Variants in ZMYM4 observed in about 807,000 individuals in gnomAD.
The protein encoded by ZMYM4 is zinc finger MYM-type containing 4.
A neutral mutation model predicts 183.2 loss-of-function variants in ZMYM4; 31 were observed. The ratio of observed to expected loss-of-function variants is 0.17; its 90% CI spans 0.13 to 0.23. ZMYM4 has a LOEUF of 0.23. Among genes scored for constraint, ZMYM4 ranks in the 10% least tolerant of loss-of-function variants. ZMYM4 has a pLI of 1.00. For missense variants in ZMYM4, 1,273 were observed against 1,840.3 expected (o/e 0.69, Z 5.64); for synonymous variants, 592 against 631.2 (o/e 0.94, Z 0.93).
chr1:35,318,449 GTTTTTTGT>G (rs1445657727), intron 1 of ZMYM4, among the ~76,000 whole-genome samples: 1 of 151,774 alleles, frequency 6.6e-6, no homozygotes, highest in Admixed American at 6.6e-5. Context: ...TCCTGGTAGG[GTTTTTTGT>G]TTTTTTGTTT....
intron 1 of ZMYM4, among the ~76,000 whole-genome samples, chr1:35,308,447 T>C (rs1641646867): frequency 6.6e-6 from 1 of 152,146 alleles, no homozygotes; most frequent in African/African-American, 2.4e-5. Context: ...ATTTCAGACT[T>C]TTAGGCCCAA....
chr1:35,371,653 A>C lies in ZMYM4; in HGVS notation c.1181+1026A>C, dbSNP rs539451164. ...CTACTCAAACCATGATTCATTTATT[A>C]CTTTAGGCGGTAATGTTTATAGTTC... On this transcript the variant is annotated intron_variant, in intron 7 of 29. Coordinates refer to ENST00000314607, the MANE Select transcript of ZMYM4 (RefSeq NM_005095.3). Among the ~76,000 whole-genome samples the C allele has an allele frequency of 2.0e-5, 3 of 152,252 alleles. No individual in the cohort carries two copies. The South Asian group carries it at 6.2e-4, about 32-fold the overall frequency.
At chr1:35,387,319 T>C in intron 12 of ZMYM4, 41 bp downstream of exon 12, 1 of 1,592,976 alleles carries the variant, frequency 6.3e-7, no homozygotes, top group Non-Finnish European at 8.6e-7. Context: ...TGAGTATACG[T>C]GGGTCTATTT....
At chr1:35,391,070 C>A (rs752874095) in intron 15 of ZMYM4, among the ~76,000 whole-genome samples, 1 of 152,052 alleles carries the variant, frequency 6.6e-6, no homozygotes, top group Non-Finnish European at 1.5e-5. Context: ...ATGTCGTGGG[C>A]GTGACTAGTT....
At chr1:35,270,089 T>C (rs1639520391) in intron 1 of ZMYM4, among the ~76,000 whole-genome samples, 2 of 152,248 alleles carry the variant, frequency 1.3e-5, no homozygotes, top group Admixed American at 1.3e-4. Flanking sequence ...GAGTGCTTAC[T>C]GTGTGCCTGG....
chr1:35,363,339 A>G (rs1558084836), intron 5 of ZMYM4, among the ~76,000 whole-genome samples: 1 of 152,144 alleles, frequency 6.6e-6, no homozygotes, highest in Non-Finnish European at 1.5e-5. Context: ...CAGCATTGAC[A>G]TTTTGGACCA....
At chr1:35,361,813 C>G (rs769670059) in intron 5 of ZMYM4, 24 bp downstream of exon 5, 3 of 1,589,590 alleles carry the variant, frequency 1.9e-6, no homozygotes, top group Non-Finnish European at 2.6e-6. Context: ...CTTTTTTCCC[C>G]CCTTCTTTTT....
At chr1:35,337,829 C>T (rs531114335) in intron 2 of ZMYM4, among the ~76,000 whole-genome samples, 1 of 152,102 alleles carries the variant, frequency 6.6e-6, no homozygotes, top group Non-Finnish European at 1.5e-5. Flanking sequence ...ATTCCAGCTA[C>T]TTGGGAGGCT....
At chr1:35,347,322 C>CA (rs1643434421) in intron 2 of ZMYM4, among the ~76,000 whole-genome samples, 1 of 152,050 alleles carries the variant, frequency 6.6e-6, no homozygotes. Context: ...TTTTTATTTT[C>CA]AAAAAAATCT....
intron 2 of ZMYM4, among the ~76,000 whole-genome samples, chr1:35,331,069 C>G (rs1168043982): frequency 6.6e-6 from 1 of 151,694 alleles, no homozygotes; most frequent in Non-Finnish European, 1.5e-5. Flanking sequence ...TAAAATTTTT[C>G]TAAATGGAAC....
At chr1:35,326,376 T>C (rs1642504653) in intron 2 of ZMYM4, among the ~76,000 whole-genome samples, 1 of 152,174 alleles carries the variant, frequency 6.6e-6, no homozygotes, top group Admixed American at 6.5e-5. Context: ...ATGGTGCTTG[T>C]AGTGGTGGTT....
intron 1 of ZMYM4, among the ~76,000 whole-genome samples, chr1:35,319,132 G>A (rs995349156): frequency 6.6e-6 from 1 of 152,008 alleles, no homozygotes; most frequent in African/African-American, 2.4e-5. Context: ...AGCCCGCCTC[G>A]GCCTCCCAAA....
chr1:35,416,439 C>G (rs1428456879), intron 28 of ZMYM4, among the ~76,000 whole-genome samples: 1 of 152,090 alleles, frequency 6.6e-6, no homozygotes, highest in African/African-American at 2.4e-5. Context: ...TGATGTTCAA[C>G]TTTGTATAAA....
In ZMYM4 at chr1:35,329,249, A is replaced by G. The variant is rs535462803; in HGVS notation, c.85+3844A>G. 8.5e-5 allele frequency among the ~76,000 whole-genome samples: 13 copies of G among 152,204 alleles called. 1 individual carries two copies. The highest frequency in any genetic ancestry group is 2.0e-4 in the Admixed American group (3 of 15,290). On this transcript the variant is annotated intron_variant, in intron 2 of 29. Coordinates refer to ENST00000314607, the MANE Select transcript of ZMYM4 (RefSeq NM_005095.3). Reference sequence around the variant, plus strand: ...CAACATTTTATGCAGGTGAGAAGAGAAGGTGCGTTTCTTCAAGTTTGTTCT... The same window carrying G: ...CAACATTTTATGCAGGTGAGAAGAGGAGGTGCGTTTCTTCAAGTTTGTTCT...
rs556056884 is a variant in ZMYM4 at position 35,340,421 on chromosome 1, C to T, written c.85+15016C>T. 8.6e-5 allele frequency among the ~76,000 whole-genome samples: 13 copies of T among 152,044 alleles called. No homozygotes were observed. In the South Asian group the frequency reaches 1.5e-3, roughly 17 times the overall value. On this transcript the variant is annotated intron_variant, in intron 2 of 29. Coordinates refer to ENST00000314607, the MANE Select transcript of ZMYM4 (RefSeq NM_005095.3). Reference sequence around the variant, plus strand: ...ATTACATTTATTGTGCACTTTATTTCTGTTATTATTAGATTGTGATATATA... The same window carrying T: ...ATTACATTTATTGTGCACTTTATTTTTGTTATTATTAGATTGTGATATATA...
chr1:35,295,134 A>G (rs1570278174), intron 1 of ZMYM4, among the ~76,000 whole-genome samples: 1 of 152,362 alleles, frequency 6.6e-6, no homozygotes, highest in Non-Finnish European at 1.5e-5. Flanking sequence ...TAACTGCTAA[A>G]CAAATAATTA....
chr1:35,272,402 C>T (rs1639653422), intron 1 of ZMYM4, among the ~76,000 whole-genome samples: 1 of 152,224 alleles, frequency 6.6e-6, no homozygotes, highest in South Asian at 2.1e-4. Flanking sequence ...ATAATATATG[C>T]TGGCTCTCTT....
At position 35,419,456 on chromosome 1, in the gene ZMYM4, TC is replaced by T; in HGVS notation, c.4440-10del. ...ATTTTCTTTTTTCTCTTTTTTTTTT[TC>T]CCCTGTGGATAGTTCTGAAAGTGTG... is the stretch of plus-strand genomic sequence containing the variant. On this transcript the variant is annotated splice_polypyrimidine_tract_variant and intron_variant, in intron 29 of 29. Coordinates refer to ENST00000314607, the MANE Select transcript of ZMYM4 (RefSeq NM_005095.3). 1.2e-6 allele frequency: 2 copies of T among 1,602,056 alleles called. No individual in the cohort carries two copies. Among genetic ancestry groups the T allele is most frequent in the Non-Finnish European group, 8.5e-7 (1 of 1,175,238 alleles).
intron 5 of ZMYM4, among the ~76,000 whole-genome samples, chr1:35,368,523 C>T (rs1644140734): frequency 6.6e-6 from 1 of 151,990 alleles, no homozygotes. Flanking sequence ...TTAAAAATAG[C>T]TGCAAATTGA....
Sources: allele counts gnomAD v4.1 joint callset (sites outside exome capture counted in the v4.1 genomes callset), GRCh38; gene constraint gnomAD v4.1.1; transcripts MANE v1.5; gene names NCBI Gene and HGNC (gene_info 2026-07-23, HGNC 2026-07-21).